Variants in LVRN observed in about 807,000 individuals in gnomAD.
The protein encoded by LVRN is laeverin, also known as aminopeptidase Q.
A neutral mutation model predicts 111.4 loss-of-function variants in LVRN; 99 were observed. The ratio of observed to expected loss-of-function variants is 0.89; its 90% CI spans 0.76 to 1.05. LVRN has a LOEUF of 1.05. Ranked by LOEUF, LVRN falls within the 50% of genes least tolerant of loss-of-function variation. The probability of loss-of-function intolerance (pLI) is 0.00; values close to 1 mark genes in which losing one functional copy is unlikely to be tolerated. For synonymous variants in LVRN, 488 were observed against 449.5 expected, an observed-to-expected ratio of 1.09 and a Z score of -1.08; for missense variants, 1,414 against 1,206.8, an observed-to-expected ratio of 1.17 and a Z score of -2.54.
At chr5:116,018,911 A>C (rs897101639) in intron 18 of LVRN, among the ~76,000 whole-genome samples, 1 of 152,142 alleles carries the variant, frequency 6.6e-6, no homozygotes, top group Non-Finnish European at 1.5e-5. Flanking sequence ...CAGAGTTCCC[A>C]TATATCCCTC....
At chr5:116,017,315 A>G (rs1748622389) in intron 18 of LVRN, among the ~76,000 whole-genome samples, 1 of 152,192 alleles carries the variant, frequency 6.6e-6, no homozygotes, top group South Asian at 2.1e-4. Flanking sequence ...CATGTGAAGC[A>G]GTTTTATTTT....
chr5:115,993,986 TTG>T, intron 6 of LVRN, 132 bp downstream of exon 6: 1 of 502,846 alleles, frequency 2.0e-6, no homozygotes. Flanking sequence ...CAAAAATAAT[TTG>T]TGTTAGCTTT....
intron 15 of LVRN, among the ~76,000 whole-genome samples, chr5:116,014,047 A>C (rs1204228938): frequency 6.6e-6 from 1 of 152,190 alleles, no homozygotes; most frequent in Non-Finnish European, 1.5e-5. Context: ...ATTAGATTAG[A>C]TACTCTGAAA....
intron 1 of LVRN, among the ~76,000 whole-genome samples, chr5:115,970,401 T>A (rs1325155935): frequency 2.1e-5 from 3 of 140,560 alleles, no homozygotes; most frequent in African/African-American, 7.6e-5. Context: ...TTTTTTTTTT[T>A]GAGACGGAGT....
intron 1 of LVRN, chr5:115,975,058 A>G (rs1753410761): frequency 3.1e-6 from 1 of 323,978 alleles, no homozygotes; most frequent in African/African-American, 2.2e-5. Context: ...TGATCATTAT[A>G]TTTGCTTCAC....
intron 13 of LVRN, among the ~76,000 whole-genome samples, chr5:116,006,624 C>G (rs1748381188): frequency 6.6e-6 from 1 of 152,158 alleles, no homozygotes. Flanking sequence ...TATCTGACTC[C>G]TCTTCTACTG....
chr5:116,010,552 A>G, intron 13 of LVRN, 189 bp from the exon 14 acceptor site: 1 of 659,700 alleles, frequency 1.5e-6, no homozygotes, highest in East Asian at 3.2e-5. Flanking sequence ...ACCAAATTGA[A>G]ATGGAAGGAC....
intron 18 of LVRN, chr5:116,021,685 T>C (rs1748733399): frequency 2.2e-6 from 1 of 449,754 alleles, no homozygotes; most frequent in South Asian, 1.6e-5. Context: ...TATTTTAATT[T>C]TTCTTTCCTT....
intron 1 of LVRN, among the ~76,000 whole-genome samples, chr5:115,976,639 T>G (rs1753455314): frequency 6.6e-6 from 1 of 152,234 alleles, no homozygotes; most frequent in Non-Finnish European, 1.5e-5. Context: ...TTTTATCTTT[T>G]TTTTGGAAGT....
intron 15 of LVRN, among the ~76,000 whole-genome samples, chr5:116,012,849 T>C (rs771760318): frequency 8.5e-5 from 13 of 152,206 alleles, no homozygotes; most frequent in Non-Finnish European, 1.9e-4. Context: ...TGTATTTTAT[T>C]ATTAACAGAA....
chr5:115,968,123 G>A (rs910822427), intron 1 of LVRN, among the ~76,000 whole-genome samples: 2 of 152,164 alleles, frequency 1.3e-5, no homozygotes, highest in Admixed American at 1.3e-4. Context: ...CCAGCACTGT[G>A]TTAAACATGA....
rs190726712 is a variant in LVRN, at chr5:115,970,744, T to C, written c.695+7432T>C. 7.2e-5 allele frequency among the ~76,000 whole-genome samples: 11 copies of C among 152,364 alleles called. No individual in the cohort carries two copies. In the East Asian group the frequency reaches 1.5e-3, roughly 21 times the overall value. On this transcript the variant is annotated intron_variant, in intron 1 of 19. Transcript: ENST00000357872. The stretch of plus-strand genomic sequence containing the variant: ...GTATTACTGATAGCATTTCATTGTA[T>C]TGATATAACACAATTTGTTTATCCA...
intron 16 of LVRN, 79 bp from the exon 17 acceptor site, chr5:116,015,173 A>T: frequency 1.1e-6 from 1 of 879,614 alleles, no homozygotes; most frequent in Non-Finnish European, 1.5e-6. Flanking sequence ...TATTTTTTCT[A>T]GATTCATACT....
At chr5:115,981,139 A>G (rs1045875334) in intron 1 of LVRN, among the ~76,000 whole-genome samples, 14 of 152,172 alleles carry the variant, frequency 9.2e-5, no homozygotes, top group African/African-American at 3.1e-4. Flanking sequence ...TACTTTGTCC[A>G]ATCCCCTTAA....
chr5:116,016,585 A>G (rs535638272), intron 18 of LVRN, among the ~76,000 whole-genome samples: 1 of 152,350 alleles, frequency 6.6e-6, no homozygotes, highest in African/African-American at 2.4e-5. Flanking sequence ...GATGGAGACA[A>G]TAGCTCAGTC....
intron 1 of LVRN, among the ~76,000 whole-genome samples, chr5:115,981,323 T>C (rs1753554918): frequency 6.6e-6 from 1 of 152,202 alleles, no homozygotes; most frequent in Non-Finnish European, 1.5e-5. Context: ...TTATAAATGA[T>C]ACAGAAGAAA....
intron 2 of LVRN, among the ~76,000 whole-genome samples, chr5:115,983,815 C>CAACTTAAA: frequency 6.6e-6 from 1 of 152,252 alleles, no homozygotes; most frequent in African/African-American, 2.4e-5. Context: ...TAAAAATATC[C>CAACTTAAA]AGAGATTTTA....
chr5:115,967,191 G>T (rs940641917), intron 1 of LVRN, among the ~76,000 whole-genome samples: 2 of 152,024 alleles, frequency 1.3e-5, no homozygotes, highest in Admixed American at 6.6e-5. Context: ...TTTTTTAATG[G>T]ATCATGCTGT....
At chr5:115,998,303 T>G (rs1384187263) in intron 6 of LVRN, among the ~76,000 whole-genome samples, 4 of 152,234 alleles carry the variant, frequency 2.6e-5, no homozygotes, top group African/African-American at 9.6e-5. Context: ...GTTTATTTTC[T>G]TTCAATTTAT....
Sources: allele counts gnomAD v4.1 joint callset (sites outside exome capture counted in the v4.1 genomes callset), GRCh38; gene constraint gnomAD v4.1.1; transcripts MANE v1.5; gene names NCBI Gene and HGNC (gene_info 2026-07-23, HGNC 2026-07-21).